PRR29: variants seen among roughly 807,000 people sequenced by gnomAD.
PRR29 encodes the protein proline rich 29, also known as proline-rich protein 29.
PRR29 carries 20 observed loss-of-function variants against 25.1 expected under a neutral mutation model. That is an observed-to-expected ratio of 0.80 (90% CI 0.56 to 1.16). PRR29 has a LOEUF of 1.16. Ranked by LOEUF, PRR29 falls within the 50% of genes most tolerant of loss-of-function variation. The pLI is 0.00. For synonymous variants in PRR29, 108 were observed against 102.6 expected, an observed-to-expected ratio of 1.05 and a Z score of -0.32; for missense variants, 238 against 246.6, an observed-to-expected ratio of 0.97 and a Z score of 0.23.
rs75024875 is a variant in PRR29, at chr17:64,003,033, C to T, written c.*1272C>T. 309 of 885,468 alleles carry T rather than the reference C, an allele frequency of 3.5e-4. No individual in the cohort carries two copies. The African/African-American group carries it at 3.6e-3, about 10-fold the overall frequency. 54.9% of individuals were successfully genotyped at this position (885,468 alleles called of 1,614,324 possible). A position where few individuals can be genotyped will look rare whatever the true frequency, so the allele number is the denominator to read the frequency against. On this transcript the variant is annotated 3_prime_UTR_variant, in exon 6 of 6. Coordinates refer to ENST00000412177, the MANE Select transcript of PRR29 (RefSeq NM_001164257.2). Reference sequence around the variant, plus strand: ...ACCCAGACCCCCAGACCCCGCCGCCCGCTCATGCATCCAGCAGTCACCCCA... The same window carrying T: ...ACCCAGACCCCCAGACCCCGCCGCCTGCTCATGCATCCAGCAGTCACCCCA...
Position 64,002,662 on chromosome 17 carries a change from C to G in PRR29, c.*901C>G. ...CAAGTCTCTGCTGCCTGTCACAGTC[C>G]TTCAGCCAGGGCTGGACCTCAACCC... On this transcript the variant is annotated 3_prime_UTR_variant, in exon 6 of 6. Coordinates refer to ENST00000412177, the MANE Select transcript of PRR29 (RefSeq NM_001164257.2). The G allele has an allele frequency of 7.9e-7, 1 of 1,273,188 alleles. No homozygotes were observed. Among genetic ancestry groups the G allele is most frequent in the African/African-American group, 1.5e-5 (1 of 67,990 alleles). The allele number at this position is 1,273,188 out of a possible 1,614,324, so 78.9% of individuals were successfully genotyped here. A position where few individuals can be genotyped will look rare whatever the true frequency, so the allele number is the denominator to read the frequency against.
Position 64,001,145 on chromosome 17 carries a change from A to AG in PRR29, c.306dup (p.Lys103GlufsTer73). 6.5e-7 allele frequency: 1 copy of AG among 1,537,224 alleles called. No homozygotes were observed. The highest frequency in any genetic ancestry group is 8.7e-7 in the Non-Finnish European group (1 of 1,146,858). On this transcript the variant is annotated frameshift_variant, in exon 4 of 6. Coordinates refer to ENST00000412177, the MANE Select transcript of PRR29 (RefSeq NM_001164257.2). LOFTEE classifies it high-confidence loss of function. ...GAGGAGGAGGAGATGGACGTGCGGGAGAAAGGGCCTTTGGTGTTTCACCAC... is the reference window on the plus strand; with the variant it reads ...GAGGAGGAGGAGATGGACGTGCGGGAGGAAAGGGCCTTTGGTGTTTCACCAC...
rs1219055786 is a variant in PRR29, at chr17:63,998,397, C to G, written c.33C>G (p.Arg11=). The change falls in exon 1 of 6, where the codon CGC becomes CGG. Residue 11 remains arginine (R), a synonymous_variant. Coordinates refer to ENST00000412177, the MANE Select transcript of PRR29 (RefSeq NM_001164257.2). ...CTGGGGCGGGCGGAAGCTGGGGTCG[C>G]TCCCCACCGCAGAGCGCAGTCCCGA... MASGAGGSWG[R]SPPQSAVPTP... 2 of 1,516,750 alleles carry G rather than the reference C, an allele frequency of 1.3e-6. No individual in the cohort carries two copies. Among genetic ancestry groups the G allele is most frequent in the Non-Finnish European group, 1.8e-6 (2 of 1,137,534 alleles). The allele number at this position is 1,516,750 out of a possible 1,614,324, so 94.0% of individuals were successfully genotyped here. A position where few individuals can be genotyped will look rare whatever the true frequency, so the allele number is the denominator to read the frequency against.
chr17:64,003,549 G>T lies in PRR29; in HGVS notation c.*1788G>T. The T allele has an allele frequency of 8.9e-7, 1 of 1,117,344 alleles. No homozygotes were observed. Among genetic ancestry groups the T allele is most frequent in the South Asian group, 1.4e-5 (1 of 69,584 alleles). The allele number at this position is 1,117,344 out of a possible 1,614,324, so 69.2% of individuals were successfully genotyped here. A position where few individuals can be genotyped will look rare whatever the true frequency, so the allele number is the denominator to read the frequency against. On this transcript the variant is annotated 3_prime_UTR_variant, in exon 6 of 6. Coordinates refer to ENST00000412177, the MANE Select transcript of PRR29 (RefSeq NM_001164257.2). ...CTCAGGATGAAGGGTGGGCTCCTGG[G>T]TGTTTGCTTCCCAAGTGGGACTCAA...
Position 64,001,821 on chromosome 17 carries a change from C to A in PRR29, c.*60C>A. 2.0e-6 allele frequency: 3 copies of A among 1,537,046 alleles called. No homozygotes were observed. Among genetic ancestry groups the A allele is most frequent in the Non-Finnish European group, 2.6e-6 (3 of 1,146,874 alleles). The stretch of plus-strand genomic sequence containing the variant: ...CCTGCTCTGGATACAGCCCCGGAGC[C>A]GCCTCCTGCACCTCTCTTGTCGACT... On this transcript the variant is annotated 3_prime_UTR_variant, in exon 6 of 6. Transcript: ENST00000412177.
rs540630355 is a variant in PRR29 at position 64,001,455 on chromosome 17, C to G, written c.471-12C>G. 3 of 1,496,842 alleles carry G rather than the reference C, an allele frequency of 2.0e-6. No homozygotes were observed. Among genetic ancestry groups the G allele is most frequent in the Non-Finnish European group, 2.7e-6 (3 of 1,126,594 alleles). 92.7% of individuals were successfully genotyped at this position (1,496,842 alleles called of 1,614,324 possible). A position where few individuals can be genotyped will look rare whatever the true frequency, so the allele number is the denominator to read the frequency against. Reference sequence around the variant, plus strand: ...GCCTCTGATGGGGGTCTTTTTCTTTCCCCCATCTCAGGAGAGCTGTGCCCC... The same window carrying G: ...GCCTCTGATGGGGGTCTTTTTCTTTGCCCCATCTCAGGAGAGCTGTGCCCC... On this transcript the variant is annotated splice_polypyrimidine_tract_variant and intron_variant, in intron 4 of 5. Transcript: ENST00000412177.
chr17:63,998,805 C>G (rs1395742641), intron 2 of PRR29, 23 bp downstream of exon 2: 4 of 1,140,228 alleles, frequency 3.5e-6, no homozygotes, highest in African/African-American at 1.5e-5. Context: ...GGTCCCCCCA[C>G]CCCACCCCCA....
chr17:63,998,424 G>C lies in PRR29; in HGVS notation c.60G>C (p.Thr20=). 6.7e-7 allele frequency: 1 copy of C among 1,489,206 alleles called. No homozygotes were observed. The highest frequency in any genetic ancestry group is 8.9e-7 in the Non-Finnish European group (1 of 1,122,622). 92.2% of individuals were successfully genotyped at this position (1,489,206 alleles called of 1,614,324 possible). ...GRSPPQSAVP[T]PWVTFLQPLS... ...CCCCACCGCAGAGCGCAGTCCCGACGGTGAGGGCTGAGCCCGGGAGCAGAT... is the reference window on the plus strand; with the variant it reads ...CCCCACCGCAGAGCGCAGTCCCGACCGTGAGGGCTGAGCCCGGGAGCAGAT... The change falls in exon 1 of 6, where the codon ACG becomes ACC. Residue 20 remains threonine, a splice_region_variant and synonymous_variant. Coordinates refer to ENST00000412177, the MANE Select transcript of PRR29 (RefSeq NM_001164257.2).
rs934426396 is a variant in PRR29 at position 64,002,233 on chromosome 17, T to G, written c.*472T>G. ...GCCCAGAGTGGTCGGGGAGAGACTT[T>G]GCTGGGCAGCGCCCCTGAGCAGAGT... On this transcript the variant is annotated 3_prime_UTR_variant, in exon 6 of 6. Transcript: ENST00000412177. 2.5e-5 allele frequency: 14 copies of G among 562,404 alleles called. No homozygotes were observed. The highest frequency in any genetic ancestry group is 4.1e-5 in the Non-Finnish European group (13 of 319,748). 34.8% of individuals were successfully genotyped at this position (562,404 alleles called of 1,614,324 possible).
rs1248676842 is a variant in PRR29, at chr17:64,000,711, A to G, written c.244-373A>G. 8 of 205,064 alleles carry G rather than the reference A, an allele frequency of 3.9e-5. No homozygotes were observed. The South Asian group carries it at 6.4e-4, about 16-fold the overall frequency. The allele number at this position is 205,064 out of a possible 1,614,324, so 12.7% of individuals were successfully genotyped here. A position where few individuals can be genotyped will look rare whatever the true frequency, so the allele number is the denominator to read the frequency against. On this transcript the variant is annotated intron_variant, in intron 3 of 5. Transcript: ENST00000412177. ...TCTGCCGCCCAGGCTGGAGTGCAGT[A>G]GCTCGATCTCTGCTCACTGCAAGCT...
Position 64,002,202 on chromosome 17 carries a change from G to A in PRR29, c.*441G>A. 6.3e-6 allele frequency: 4 copies of A among 638,642 alleles called. No individual in the cohort carries two copies. Among genetic ancestry groups the A allele is most frequent in the Non-Finnish European group, 8.0e-6 (3 of 376,120 alleles). 39.6% of individuals were successfully genotyped at this position (638,642 alleles called of 1,614,324 possible). ...CTTTGAAGGCCCCTTTGAGGTGGCT[G>A]GAGGGGCCCAGAGTGGTCGGGGAGA... is the stretch of plus-strand genomic sequence containing the variant. On this transcript the variant is annotated 3_prime_UTR_variant, in exon 6 of 6. Transcript: ENST00000412177.
intron 1 of PRR29, 104 bp from the exon 2 acceptor site, chr17:63,998,603 C>T (rs1025725648): frequency 1.2e-5 from 13 of 1,040,830 alleles, no homozygotes; most frequent in Admixed American, 7.3e-5. Flanking sequence ...GAGAACCTGG[C>T]CCCTGCGGGG....
Position 63,998,797 on chromosome 17 carries a change from T to TGGGCCCC in PRR29, c.136+15_136+16insGGGCCCC. 1.9e-6 allele frequency: 2 copies of TGGGCCCC among 1,062,604 alleles called. No individual in the cohort carries two copies. Among genetic ancestry groups the TGGGCCCC allele is most frequent in the Non-Finnish European group, 2.6e-6 (2 of 761,702 alleles). The allele number at this position is 1,062,604 out of a possible 1,614,324, so 65.8% of individuals were successfully genotyped here. A position where few individuals can be genotyped will look rare whatever the true frequency, so the allele number is the denominator to read the frequency against. On this transcript the variant is annotated intron_variant, in intron 2 of 5. Transcript: ENST00000412177. ...CGTGAAGGAAGGTGAGACTCCCGGG[T>TGGGCCCC]CCCCCCACCCCACCCCCACCATCAC...
intron 5 of PRR29, 41 bp from the exon 6 acceptor site, chr17:64,001,692 T>A (rs1910773277): frequency 6.5e-7 from 1 of 1,534,588 alleles, no homozygotes; most frequent in Non-Finnish European, 8.7e-7. Flanking sequence ...TGGGGTCCAC[T>A]GAGACAGGAG....
chr17:64,000,642 C>CTTT lies in PRR29; in HGVS notation c.244-431_244-429dup, dbSNP rs1234807102. ...CCGCGCCCCGCCTACACAAGCCATTCTTTTTTTTTTTTTCCTTTTTTTTCT... is the reference window on the plus strand; with the variant it reads ...CCGCGCCCCGCCTACACAAGCCATTCTTTTTTTTTTTTTTTTCCTTTTTTTTCT... On this transcript the variant is annotated intron_variant, in intron 3 of 5. Transcript: ENST00000412177. 2.5e-4 allele frequency among the ~76,000 whole-genome samples: 36 copies of CTTT among 145,596 alleles called. 1 individual carries two copies. Among genetic ancestry groups the CTTT allele is most frequent in the African/African-American group, 7.8e-4 (31 of 39,650 alleles).
At chr17:64,000,717 A>C in intron 3 of PRR29, 1 of 215,250 alleles carries the variant, frequency 4.6e-6, no homozygotes, top group Admixed American at 5.2e-5. Context: ...CAGTAGCTCG[A>C]TCTCTGCTCA....
At chr17:63,999,228 T>G in intron 3 of PRR29, 154 bp downstream of exon 3, 1 of 643,368 alleles carries the variant, frequency 1.6e-6, no homozygotes, top group East Asian at 2.8e-5. Context: ...TCTGTCATGT[T>G]TCAGCCTCCA....
At chr17:64,000,438 T>G (rs1910567710) in intron 3 of PRR29, among the ~76,000 whole-genome samples, 1 of 152,126 alleles carries the variant, frequency 6.6e-6, no homozygotes, top group Admixed American at 6.6e-5. Flanking sequence ...CAAACAACTC[T>G]CCTGCCCCAG....
At position 64,001,730 on chromosome 17, in the gene PRR29, CAG is replaced by C. The variant is rs1270786963; in HGVS notation, c.542-1_542del. 2 of 1,537,012 alleles carry C rather than the reference CAG, an allele frequency of 1.3e-6. No homozygotes were observed. Among genetic ancestry groups the C allele is most frequent in the Non-Finnish European group, 1.7e-6 (2 of 1,146,798 alleles). On this transcript the variant is annotated splice_acceptor_variant, in intron 5 of 5. Transcript: ENST00000412177. LOFTEE classifies it high-confidence loss of function. ...AGTCAAGATGAGGTTCTTGTTTCCC[CAG>C]ACTACTATGATGCCGAGAGCCTCCT...
Sources: allele counts gnomAD v4.1 joint callset (sites outside exome capture counted in the v4.1 genomes callset), GRCh38; gene constraint gnomAD v4.1.1; transcripts MANE v1.5; gene names NCBI Gene and HGNC (gene_info 2026-07-23, HGNC 2026-07-21).